The following RLN2 variants were observed in gnomAD, a reference collection of about 807,000 sequenced individuals.
RLN2 encodes the protein prorelaxin H2.
In RLN2, 10 loss-of-function variants were observed where a neutral mutation model predicts 7.3. The observed-to-expected ratio is 1.36, with a 90% CI of 0.84 to 2.31. The LOEUF is 2.31. Ranked by LOEUF, RLN2 falls within the 30% of genes most tolerant of loss-of-function variation. The probability of loss-of-function intolerance (pLI) is 0.00; values close to 1 mark genes in which losing one functional copy is unlikely to be tolerated. For synonymous variants in RLN2, 103 were observed against 82.3 expected (o/e 1.25, Z -1.36); for missense variants, 298 against 217.6 (o/e 1.37, Z -2.32).
chr9:5,305,761 A>C (rs1167634789), upstream of RLN2, among the ~76,000 whole-genome samples: 2 of 152,082 alleles, frequency 1.3e-5, no homozygotes, highest in African/African-American at 2.4e-5. Flanking sequence ...TTGAAATAAA[A>C]GAATAACAAT....
At chr9:5,309,135 G>A (rs1001796012), upstream of RLN2, among the ~76,000 whole-genome samples, 11 of 152,082 alleles carry the variant, frequency 7.2e-5, no homozygotes, top group African/African-American at 2.4e-4. Context: ...TGAATAGGAG[G>A]TGATTAAAAC....
At chr9:5,330,765 A>AC in the RLN2 span, among the ~76,000 whole-genome samples, 123 of 138,880 alleles carry the variant, frequency 8.9e-4, no homozygotes, top group African/African-American at 2.3e-3. Context: ...AGATAGAGAG[A>AC]CAAAAAAAAA....
chr9:5,322,665 A>C, the RLN2 span, among the ~76,000 whole-genome samples: 2 of 151,936 alleles, frequency 1.3e-5, no homozygotes, highest in Non-Finnish European at 2.9e-5. Context: ...TTTCTTCTCC[A>C]CTGCATCCCA....
At chr9:5,330,502 G>C in the RLN2 span, among the ~76,000 whole-genome samples, 8 of 151,544 alleles carry the variant, frequency 5.3e-5, no homozygotes, top group Non-Finnish European at 8.8e-5. Flanking sequence ...GCCAGGCATG[G>C]TGGCGGGGGC....
At chr9:5,330,424 G>T in the RLN2 span, among the ~76,000 whole-genome samples, 6 of 151,754 alleles carry the variant, frequency 4.0e-5, no homozygotes, top group Non-Finnish European at 8.8e-5. Context: ...AGATCACGAG[G>T]TCAGGAGATC....
At chr9:5,310,204 A>G in the RLN2 span, among the ~76,000 whole-genome samples, 10 of 151,904 alleles carry the variant, frequency 6.6e-5, no homozygotes, top group African/African-American at 2.2e-4. Context: ...TCCTCCCTCC[A>G]CCAATTTTTT....
At chr9:5,307,637 T>C (rs1489092329), upstream of RLN2, among the ~76,000 whole-genome samples, 1 of 152,002 alleles carries the variant, frequency 6.6e-6, no homozygotes, top group Non-Finnish European at 1.5e-5. Context: ...TTTCTGCATC[T>C]GGGGGTGCAT....
upstream of RLN2, among the ~76,000 whole-genome samples, chr9:5,305,359 C>CCACACACA (rs34733616): frequency 5.8e-4 from 71 of 121,890 alleles, no homozygotes; most frequent in East Asian, 4.4e-3. Flanking sequence ...GGAGAACATA[C>CCACACACA]CACACACACA....
At chr9:5,313,812 A>G in the RLN2 span, among the ~76,000 whole-genome samples, 1 of 151,996 alleles carries the variant, frequency 6.6e-6, no homozygotes, top group Non-Finnish European at 1.5e-5. Context: ...CATTTAGAAG[A>G]AAATAACTAA....
chr9:5,327,716 C>G, the RLN2 span, among the ~76,000 whole-genome samples: 1 of 151,942 alleles, frequency 6.6e-6, no homozygotes, highest in Non-Finnish European at 1.5e-5. Context: ...GAGGAAAGAT[C>G]AGGCAGTAAT....
At chr9:5,310,929 T>C in the RLN2 span, among the ~76,000 whole-genome samples, 2 of 152,108 alleles carry the variant, frequency 1.3e-5, no homozygotes, top group Non-Finnish European at 2.9e-5. Flanking sequence ...ATTTTTGTTT[T>C]ACCTTCACTT....
the RLN2 span, among the ~76,000 whole-genome samples, chr9:5,331,336 T>C: frequency 5.3e-5 from 8 of 151,740 alleles, no homozygotes; most frequent in Non-Finnish European, 1.0e-4. Context: ...GATGAGAAAA[T>C]CCTCAATAAA....
chr9:5,308,671 A>G (rs534163519), upstream of RLN2, among the ~76,000 whole-genome samples: 5 of 152,162 alleles, frequency 3.3e-5, no homozygotes, highest in Admixed American at 3.3e-4. Flanking sequence ...AAGGCCTAAA[A>G]TTAATCCCAA....
chr9:5,302,833 T>G (rs796389091), intron 1 of RLN2, among the ~76,000 whole-genome samples: 3 of 143,610 alleles, frequency 2.1e-5, no homozygotes, highest in African/African-American at 8.2e-5. Context: ...CTGCTCAAAG[T>G]ATAATGGTGA....
chr9:5,332,021 A>G, the RLN2 span, among the ~76,000 whole-genome samples: 1 of 152,044 alleles, frequency 6.6e-6, no homozygotes, highest in African/African-American at 2.4e-5. Context: ...TGTTAATGAA[A>G]AAAATGGGAT....
the RLN2 span, among the ~76,000 whole-genome samples, chr9:5,332,298 C>A: frequency 1.6e-4 from 25 of 151,952 alleles, 1 homozygote; most frequent in Admixed American, 5.2e-4. Context: ...CGCTTTTGTA[C>A]TCTGAAGCTT....
the RLN2 span, among the ~76,000 whole-genome samples, chr9:5,320,816 T>G: frequency 6.6e-6 from 1 of 152,098 alleles, no homozygotes; most frequent in Non-Finnish European, 1.5e-5. Context: ...AGAAAGATAG[T>G]TCTGTCTTCT....
chr9:5,318,026 G>GTGTGTGTGTGTGTC, the RLN2 span, among the ~76,000 whole-genome samples: 1 of 151,786 alleles, frequency 6.6e-6, no homozygotes, highest in Non-Finnish European at 1.5e-5. Flanking sequence ...GTGTGTGTGT[G>GTGTGTGTGTGTGTC]TGTCTGTATA....
chr9:5,317,622 A>G, the RLN2 span, among the ~76,000 whole-genome samples: 1 of 151,876 alleles, frequency 6.6e-6, no homozygotes, highest in South Asian at 2.1e-4. Context: ...TATTAAATTG[A>G]AAGAAAATAT....
Sources: gnomAD v4.1 joint callset for allele counts (sites outside exome capture counted in the v4.1 genomes callset) on GRCh38, gnomAD v4.1.1 for gene constraint, MANE v1.5 for transcripts, NCBI Gene and HGNC (gene_info 2026-07-23, HGNC 2026-07-21) for gene names.